FKBP4: variants seen among roughly 807,000 people sequenced by gnomAD.
FKBP4 encodes the protein peptidyl-prolyl cis-trans isomerase FKBP4.
In FKBP4, 28 loss-of-function variants were observed where a neutral mutation model predicts 54.1. The ratio of observed to expected loss-of-function variants is 0.52; its 90% CI spans 0.38 to 0.71. The LOEUF is 0.71. Among genes scored for constraint, FKBP4 ranks in the 30% least tolerant of loss-of-function variants. The pLI is 0.00. For synonymous variants in FKBP4, 223 were observed against 216.1 expected (o/e 1.03, Z -0.28); for missense variants, 493 against 574.4 (o/e 0.86, Z 1.45).
Position 2,798,926 on chromosome 12 carries a change from C to A in FKBP4, c.514+100C>A. ...CCGTTCTCCGAGCCTATCTTCTTGT[C>A]CATAAAATGAGGGGTTGGACCATAT... On this transcript the variant is annotated intron_variant, in intron 4 of 9. Transcript: ENST00000001008. This position sits in a 1 kb window ranked among gnomAD's most constrained non-coding sequence, Gnocchi z 4.3. 2 of 1,451,564 alleles carry A rather than the reference C, an allele frequency of 1.4e-6. No individual in the cohort carries two copies. The highest frequency in any genetic ancestry group is 1.9e-6 in the Non-Finnish European group (2 of 1,050,422). The allele number at this position is 1,451,564 out of a possible 1,614,324, so 89.9% of individuals were successfully genotyped here.
intron 9 of FKBP4, chr12:2,801,868 G>A (rs183090622): frequency 1.4e-5 from 4 of 281,364 alleles, no homozygotes; most frequent in Non-Finnish European, 2.9e-5. Flanking sequence ...AGAAGCAGCT[G>A]CCCCTTCAGG....
chr12:2,800,845 C>T (rs142494120), intron 8 of FKBP4, among the ~76,000 whole-genome samples: 21 of 152,328 alleles, frequency 1.4e-4, no homozygotes, highest in African/African-American at 3.1e-4. Context: ...TTAGCCTCTC[C>T]GCTTACCTAC....
rs2097900836 is a variant in FKBP4 at position 2,795,050 on chromosome 12, C to G, written c.-90C>G. The G allele has an allele frequency of 1.3e-6, 1 of 762,196 alleles. No individual in the cohort carries two copies. The highest frequency in any genetic ancestry group is 1.8e-5 in the African/African-American group (1 of 54,104). The allele number at this position is 762,196 out of a possible 1,614,324, so 47.2% of individuals were successfully genotyped here. On this transcript the variant is annotated 5_prime_UTR_variant, in exon 1 of 10. Transcript: ENST00000001008. The surrounding 1 kb of genome is among the most constrained non-coding windows in gnomAD (Gnocchi z 4.3). ...AGTCAGTGCCGCCGCGCCCGGCCTC[C>G]CGCACGCCCCGCAGGTAGCGCCCCC...
chr12:2,796,910 C>T (rs2097902168), intron 1 of FKBP4: 1 of 1,346,112 alleles, frequency 7.4e-7, no homozygotes, highest in Non-Finnish European at 9.5e-7. Flanking sequence ...GATCTCTCAG[C>T]CTTTTGTCTC....
intron 1 of FKBP4, chr12:2,796,020 C>T: frequency 1.7e-6 from 2 of 1,158,582 alleles, no homozygotes; most frequent in Non-Finnish European, 2.2e-6. Context: ...CGAGTGACCG[C>T]TCGACTACAA....
Position 2,799,255 on chromosome 12 carries a change from G to A in FKBP4, c.671+11G>A. The stretch of plus-strand genomic sequence containing the variant: ...GTACCTCAAGCCCAGGTGAGGGGTG[G>A]GCACTTCGTAGGGTAGGCAGGCAGG... On this transcript the variant is annotated intron_variant, in intron 5 of 9. Coordinates refer to ENST00000001008, the MANE Select transcript of FKBP4 (RefSeq NM_002014.4). 1.3e-6 allele frequency: 2 copies of A among 1,482,708 alleles called. No homozygotes were observed. The highest frequency in any genetic ancestry group is 1.4e-5 in the African/African-American group (1 of 70,636). The allele number at this position is 1,482,708 out of a possible 1,614,324, so 91.8% of individuals were successfully genotyped here.
At chr12:2,797,923 C>A in intron 3 of FKBP4, 52 bp downstream of exon 3, 1 of 1,567,380 alleles carries the variant, frequency 6.4e-7, no homozygotes, top group Non-Finnish European at 8.7e-7. Flanking sequence ...TTATCTCAGC[C>A]CAATGCCTGG....
intron 7 of FKBP4, 134 bp downstream of exon 7, chr12:2,800,256 T>G (rs1474563330): frequency 3.7e-6 from 5 of 1,350,614 alleles, no homozygotes; most frequent in Non-Finnish European, 5.1e-6. Context: ...TTCATATATG[T>G]GAGCTTGCTG....
chr12:2,800,772 G>A (rs1302969070), intron 8 of FKBP4, among the ~76,000 whole-genome samples, 195 bp downstream of exon 8: 1 of 152,228 alleles, frequency 6.6e-6, no homozygotes, highest in African/African-American at 2.4e-5. Context: ...GAAGCAGTTG[G>A]CAAGAAGGAG....
Position 2,799,945 on chromosome 12 carries a change from G to A in FKBP4, c.762+5G>A, listed in dbSNP as rs760673163. On this transcript the variant is annotated splice_donor_5th_base_variant and intron_variant, in intron 6 of 9. Transcript: ENST00000001008. ...CACCTCAAGAGTTTTGAAAAGGTAA[G>A]TTTGCTCAGGGTCTTCCCATCTAAA... 5 of 1,614,100 alleles carry A rather than the reference G, an allele frequency of 3.1e-6. No homozygotes were observed. In the Admixed American group the frequency reaches 8.3e-5, roughly 27 times the overall value.
chr12:2,797,411 C>CT, intron 2 of FKBP4, 129 bp downstream of exon 2: 1 of 1,062,438 alleles, frequency 9.4e-7, no homozygotes, highest in South Asian at 1.6e-5. Flanking sequence ...CTTTCGGTCA[C>CT]TCTTTTTTTT....
At chr12:2,800,949 T>TCCCTTCCTAGA in intron 8 of FKBP4, among the ~76,000 whole-genome samples, 168 bp from the exon 9 acceptor site, 1 of 152,134 alleles carries the variant, frequency 6.6e-6, no homozygotes, top group East Asian at 1.9e-4. Flanking sequence ...TTAAATGAGG[T>TCCCTTCCTAGA]CCCTGGATTG....
chr12:2,803,264 C>CT lies in FKBP4; in HGVS notation c.*7dup. On this transcript the variant is annotated 3_prime_UTR_variant, in exon 10 of 10. Transcript: ENST00000001008. ...AGGTGGAGACAGAAGCATAGCCCCTCTCCACCAGCCCTACTCCTGCGGCTG... is the reference window on the plus strand; with the variant it reads ...AGGTGGAGACAGAAGCATAGCCCCTCTTCCACCAGCCCTACTCCTGCGGCTG... 6.4e-7 allele frequency: 1 copy of CT among 1,560,742 alleles called. No individual in the cohort carries two copies. Among genetic ancestry groups the CT allele is most frequent in the Non-Finnish European group, 8.7e-7 (1 of 1,153,374 alleles).
At chr12:2,802,499 A>C (rs1279737848) in intron 9 of FKBP4, among the ~76,000 whole-genome samples, 2 of 152,238 alleles carry the variant, frequency 1.3e-5, no homozygotes, top group Non-Finnish European at 2.9e-5. Flanking sequence ...CATGTAATTC[A>C]AAATTTTCTG....
At chr12:2,796,237 T>G (rs2097901783) in intron 1 of FKBP4, 1 of 1,289,234 alleles carries the variant, frequency 7.8e-7, no homozygotes, top group Non-Finnish European at 1.0e-6. Context: ...CTTTACCTGG[T>G]CCAGAAGTGC....
chr12:2,805,088 C>T lies in FKBP4; in HGVS notation c.*1830C>T, dbSNP rs1366485113. The stretch of plus-strand genomic sequence containing the variant: ...TTTATGGAGTAAGCCTAGCACTGTA[C>T]TGACAGCATCACATGAGTGAAACTG... On this transcript the variant is annotated 3_prime_UTR_variant, in exon 10 of 10. Transcript: ENST00000001008. 2.2e-5 allele frequency: 10 copies of T among 449,822 alleles called. No individual in the cohort carries two copies. The highest frequency in any genetic ancestry group is 7.2e-5 in the Admixed American group (3 of 41,810). The allele number at this position is 449,822 out of a possible 1,614,324, so 27.9% of individuals were successfully genotyped here.
Position 2,799,147 on chromosome 12 carries a change from A to G in FKBP4, c.574A>G (p.Ile192Val). The change falls in exon 5 of 10, where the codon ATT becomes GTT. Residue 192 changes from isoleucine to valine, a missense_variant. Physicochemically the swap from Ile to Val is conservative, Grantham distance 29 (BLOSUM62 3). Coordinates refer to ENST00000001008, the MANE Select transcript of FKBP4 (RefSeq NM_002014.4). ...TGACCAGCGGGAGCTCCGCTTTGAG[A>G]TTGGCGAGGGGGAGAACCTGGATCT... ...LFDQRELRFE[I>V]GEGENLDLPY... is the part of the protein sequence containing the mutation. 1 of 1,588,960 alleles carries G rather than the reference A, an allele frequency of 6.3e-7. No homozygotes were observed. The highest frequency in any genetic ancestry group is 8.5e-7 in the Non-Finnish European group (1 of 1,170,274).
chr12:2,795,010 C>T lies in FKBP4; in HGVS notation c.-130C>T, dbSNP rs961566049. ...GCGCCGCGTGCAGAGGTGCTCAAGC[C>T]TCCTCGCGGTCCGCAGTCAGTGCCG... On this transcript the variant is annotated 5_prime_UTR_variant, in exon 1 of 10. Transcript: ENST00000001008. The surrounding 1 kb of genome is among the most constrained non-coding windows in gnomAD (Gnocchi z 4.3). 4.9e-6 allele frequency: 2 copies of T among 409,892 alleles called. No individual in the cohort carries two copies. The highest frequency in any genetic ancestry group is 4.3e-5 in the East Asian group (1 of 23,222). The allele number at this position is 409,892 out of a possible 1,614,324, so 25.4% of individuals were successfully genotyped here.
rs2097902859 is a variant in FKBP4, at chr12:2,798,044, T to C, written c.393+173T>C. Among the ~76,000 whole-genome samples the C allele has an allele frequency of 6.6e-6, 1 of 152,098 alleles. No homozygotes were observed. The highest frequency in any genetic ancestry group is 1.5e-5 in the Non-Finnish European group (1 of 68,014). ...CTGCTGCTGCTAGTAATGGAAGTAA[T>C]AGAAGCTTCGGGTGGGAAGAGGCAG... On this transcript the variant is annotated intron_variant, in intron 3 of 9. Coordinates refer to ENST00000001008, the MANE Select transcript of FKBP4 (RefSeq NM_002014.4). This position sits in a 1 kb window ranked among gnomAD's most constrained non-coding sequence, Gnocchi z 4.3.
Sources: allele counts gnomAD v4.1 joint callset (sites outside exome capture counted in the v4.1 genomes callset), GRCh38; gene constraint gnomAD v4.1.1; non-coding constraint Gnocchi (gnomAD v3.1); transcripts MANE v1.5; gene names NCBI Gene and HGNC (gene_info 2026-07-23, HGNC 2026-07-21).